Variants in INSC observed in about 807,000 individuals in gnomAD.
INSC encodes protein inscuteable homolog.
INSC carries 67 observed loss-of-function variants against 58.6 expected under a neutral mutation model. The ratio of observed to expected loss-of-function variants is 1.14; its 90% CI spans 0.94 to 1.40. The LOEUF is 1.40. Ranked by LOEUF, INSC falls within the 40% of genes most tolerant of loss-of-function variation. INSC has a pLI of 0.00. For synonymous variants in INSC, 262 were observed against 276.1 expected (o/e 0.95, Z 0.51); for missense variants, 714 against 692.0 (o/e 1.03, Z -0.36).
intron 1 of INSC, among the ~76,000 whole-genome samples, chr11:15,137,916 A>T (rs1848283271): frequency 6.6e-6 from 1 of 152,176 alleles, no homozygotes; most frequent in South Asian, 2.1e-4. Flanking sequence ...TGGGCTTTTG[A>T]CATGCTGTCC....
chr11:15,162,089 A>T (rs1849038764), intron 2 of INSC, among the ~76,000 whole-genome samples: 1 of 152,182 alleles, frequency 6.6e-6, no homozygotes, highest in African/African-American at 2.4e-5. Context: ...CTGTTGGGTT[A>T]TAGAGAAGTA....
At chr11:15,184,891 A>C (rs1849909529) in intron 5 of INSC, among the ~76,000 whole-genome samples, 1 of 152,262 alleles carries the variant, frequency 6.6e-6, no homozygotes, top group African/African-American at 2.4e-5. Flanking sequence ...ATTTTATTAA[A>C]ACTTGTATTG....
At chr11:15,119,106 C>A (rs534923873) in intron 1 of INSC, among the ~76,000 whole-genome samples, 5 of 152,330 alleles carry the variant, frequency 3.3e-5, no homozygotes, top group African/African-American at 1.2e-4. Flanking sequence ...GCAGAAAAAA[C>A]TACTCCTTTG....
intron 6 of INSC, among the ~76,000 whole-genome samples, chr11:15,196,447 A>T (rs1850372996): frequency 1.3e-5 from 2 of 151,766 alleles, no homozygotes; most frequent in South Asian, 4.2e-4. Context: ...GTTGGTTAAA[A>T]TCTAGAGTCT....
chr11:15,243,602 T>C (rs546543296), intron 12 of INSC, among the ~76,000 whole-genome samples: 1 of 152,264 alleles, frequency 6.6e-6, no homozygotes, highest in South Asian at 2.1e-4. Flanking sequence ...GTAGGGTTCA[T>C]GTCCTGTAGA....
intron 5 of INSC, among the ~76,000 whole-genome samples, chr11:15,189,158 C>T (rs1850074951): frequency 6.6e-6 from 1 of 152,098 alleles, no homozygotes; most frequent in Non-Finnish European, 1.5e-5. Flanking sequence ...TTACCTTGAG[C>T]CTCAAAGCTC....
intron 1 of INSC, among the ~76,000 whole-genome samples, chr11:15,127,242 A>G (rs1456281986): frequency 6.6e-6 from 1 of 152,218 alleles, no homozygotes; most frequent in Non-Finnish European, 1.5e-5. Context: ...GGACTTCACC[A>G]AACTCACATA....
At chr11:15,259,147 T>C in the INSC span, among the ~76,000 whole-genome samples, 2 of 152,162 alleles carry the variant, frequency 1.3e-5, no homozygotes, top group Admixed American at 6.6e-5. Flanking sequence ...TCTGTAAAGA[T>C]GTAAATTGAG....
intron 4 of INSC, 99 bp from the exon 5 acceptor site, chr11:15,178,225 A>G: frequency 6.7e-7 from 1 of 1,497,064 alleles, no homozygotes; most frequent in Non-Finnish European, 9.0e-7. Context: ...TCTTCAGCAC[A>G]CACCAGGCTT....
intron 2 of INSC, among the ~76,000 whole-genome samples, chr11:15,165,658 G>T (rs1009584477): frequency 6.6e-6 from 1 of 152,112 alleles, no homozygotes; most frequent in African/African-American, 2.4e-5. Context: ...ACCTAAGAGA[G>T]GTAGCAGTAA....
the INSC span, among the ~76,000 whole-genome samples, chr11:15,264,204 G>T: frequency 8.0e-6 from 1 of 124,850 alleles, no homozygotes; most frequent in Non-Finnish European, 1.7e-5. Flanking sequence ...ATAGCCATCA[G>T]ATCCTGGAGG....
intron 5 of INSC, among the ~76,000 whole-genome samples, chr11:15,186,047 C>G (rs1714371): frequency 2.0e-5 from 3 of 151,930 alleles, no homozygotes; most frequent in African/African-American, 7.3e-5. Flanking sequence ...AAGATCCCTA[C>G]CTGCTGGGAA....
At chr11:15,262,655 A>AAC in the INSC span, among the ~76,000 whole-genome samples, 8,464 of 146,652 alleles carry the variant, frequency 0.058, 280 homozygotes, top group African/African-American at 0.095. Flanking sequence ...CTGGGTGATA[A>AAC]ACACACACAC....
chr11:15,238,145 A>G (rs1007699608), intron 10 of INSC, among the ~76,000 whole-genome samples: 1 of 152,084 alleles, frequency 6.6e-6, no homozygotes, highest in African/African-American at 2.4e-5. Flanking sequence ...CCTTGTAGAA[A>G]GAAAGAGTGG....
chr11:15,117,911 T>C (rs978419143), intron 1 of INSC, among the ~76,000 whole-genome samples: 1 of 152,224 alleles, frequency 6.6e-6, no homozygotes, highest in South Asian at 2.1e-4. Context: ...AATTGGGCCA[T>C]TGATAAACAC....
intron 10 of INSC, among the ~76,000 whole-genome samples, chr11:15,238,031 T>G (rs899243069): frequency 3.4e-4 from 52 of 151,322 alleles, no homozygotes; most frequent in Admixed American, 2.6e-3. Context: ...AAGAGGGGAG[T>G]GTGGGATGGG....
intron 5 of INSC, among the ~76,000 whole-genome samples, chr11:15,186,331 T>A (rs1362733041): frequency 6.6e-6 from 1 of 152,218 alleles, no homozygotes; most frequent in Admixed American, 6.5e-5. Flanking sequence ...AGAGACTCAT[T>A]TGAATTTCTA....
At chr11:15,151,272 G>A (rs528765391) in intron 2 of INSC, among the ~76,000 whole-genome samples, 6 of 152,286 alleles carry the variant, frequency 3.9e-5, no homozygotes, top group African/African-American at 9.6e-5. Flanking sequence ...TAGGTTGTAT[G>A]TTCCTTATGG....
chr11:15,156,839 A>G (rs1848831322), intron 2 of INSC, among the ~76,000 whole-genome samples: 1 of 152,206 alleles, frequency 6.6e-6, no homozygotes, highest in Non-Finnish European at 1.5e-5. Flanking sequence ...CCCTGAGGAA[A>G]TATAGTAGGA....
Sources: gnomAD v4.1 joint callset for allele counts (sites outside exome capture counted in the v4.1 genomes callset) on GRCh38, gnomAD v4.1.1 for gene constraint, MANE v1.5 for transcripts, NCBI Gene and HGNC (gene_info 2026-07-23, HGNC 2026-07-21) for gene names.